The following DNAH3 variants were observed in gnomAD, a reference collection of about 807,000 sequenced individuals.
DNAH3 encodes dynein axonemal heavy chain 3.
In DNAH3, 332 loss-of-function variants were observed where a neutral mutation model predicts 432.5. The ratio of observed to expected loss-of-function variants is 0.77; its 90% CI spans 0.70 to 0.84. DNAH3 has a LOEUF of 0.84. DNAH3 is among the 40% of genes least tolerant of loss of function. The pLI, the probability that DNAH3 is intolerant of heterozygous loss-of-function variation, is 0.00. For synonymous variants in DNAH3, 1,956 were observed against 1,900.2 expected, an observed-to-expected ratio of 1.03 and a Z score of -0.76; for missense variants, 4,861 against 5,114.0, an observed-to-expected ratio of 0.95 and a Z score of 1.51.
chr16:20,982,576 T>C (rs2085960805), intron 49 of DNAH3, 145 bp downstream of exon 49: 1 of 622,930 alleles, frequency 1.6e-6, no homozygotes. Flanking sequence ...TTATTAAATA[T>C]CTAACTAACT....
At chr16:21,066,391 A>G (rs1034962593) in intron 24 of DNAH3, among the ~76,000 whole-genome samples, 9 of 151,510 alleles carry the variant, frequency 5.9e-5, no homozygotes, top group Non-Finnish European at 1.2e-4. Flanking sequence ...ATTTTGAGAC[A>G]TGGTCTGACT....
chr16:20,959,239 G>C, exon 54 of DNAH3: 1 of 1,614,182 alleles, frequency 6.2e-7, no homozygotes, highest in South Asian at 1.1e-5. Flanking sequence ...CTCCAGGGTA[G>C]GCATCCAGCT....
chr16:21,118,104 C>T (rs1567820973), intron 11 of DNAH3, among the ~76,000 whole-genome samples: 1 of 151,776 alleles, frequency 6.6e-6, no homozygotes, highest in African/African-American at 2.4e-5. Flanking sequence ...TCTCCTGCCT[C>T]AGCCTCCCGA....
intron 24 of DNAH3, among the ~76,000 whole-genome samples, chr16:21,066,236 C>T (rs2090544296): frequency 6.6e-6 from 1 of 151,080 alleles, no homozygotes; most frequent in Non-Finnish European, 1.5e-5. Flanking sequence ...ATTTATGTTT[C>T]TTAAAGGTAA....
chr16:21,149,226 C>A (rs200977145), intron 1 of DNAH3, among the ~76,000 whole-genome samples: 71 of 131,666 alleles, frequency 5.4e-4, no homozygotes, highest in Middle Eastern at 3.8e-3. Context: ...CAAACTGTCT[C>A]AAAAAAAAAA....
chr16:21,149,890 G>A (rs1233211577), intron 1 of DNAH3, among the ~76,000 whole-genome samples: 2 of 152,148 alleles, frequency 1.3e-5, no homozygotes, highest in Non-Finnish European at 2.9e-5. Context: ...CATCTAACAT[G>A]CCAATTGGCC....
intron 52 of DNAH3, among the ~76,000 whole-genome samples, chr16:20,967,065 T>C (rs1376160603): frequency 6.6e-6 from 1 of 152,186 alleles, no homozygotes; most frequent in Non-Finnish European, 1.5e-5. Flanking sequence ...AAAAAAGTTA[T>C]ACTCTGAGAC....
intron 43 of DNAH3, among the ~76,000 whole-genome samples, chr16:20,998,208 G>A (rs1453414088): frequency 6.6e-6 from 1 of 152,166 alleles, no homozygotes; most frequent in East Asian, 1.9e-4. Context: ...TTCAATGGGA[G>A]CAACAGATGA....
intron 31 of DNAH3, among the ~76,000 whole-genome samples, chr16:21,042,524 C>T (rs2089491474): frequency 6.6e-6 from 1 of 152,008 alleles, no homozygotes; most frequent in Admixed American, 6.6e-5. Context: ...ATTTCCTGAT[C>T]TTTATTCATC....
chr16:20,979,318 G>A lies in DNAH3; in HGVS notation c.8076+12C>T. The A allele has an allele frequency of 1.9e-6, 3 of 1,612,992 alleles. No individual in the cohort carries two copies. Among genetic ancestry groups the A allele is most frequent in the Non-Finnish European group, 2.5e-6 (3 of 1,179,604 alleles). On this transcript the variant is annotated intron_variant, in intron 50 of 61. Transcript: ENST00000261383. ...GGCCTCTTTGTCTCTGTTCTGTTTT[G>A]GCAGTGCTCACCTGAGAAGCTGCAA...
chr16:21,020,375 C>CACTA (rs2088120924), intron 40 of DNAH3, among the ~76,000 whole-genome samples: 1 of 32,958 alleles, frequency 3.0e-5, no homozygotes, highest in African/African-American at 1.7e-4. Context: ...TATAAAATCA[C>CACTA]TATATATATA....
At chr16:21,141,451 G>C in intron 3 of DNAH3, 79 bp from the exon 5 acceptor site, 2 of 1,078,628 alleles carry the variant, frequency 1.9e-6, no homozygotes, top group Non-Finnish European at 2.8e-6. Context: ...CATGACTCTC[G>C]GAACAGTCCA....
chr16:20,960,940 AC>A (rs1269600808), intron 53 of DNAH3, among the ~76,000 whole-genome samples: 1 of 151,974 alleles, frequency 6.6e-6, no homozygotes, highest in Non-Finnish European at 1.5e-5. Context: ...CAGAATGGCG[AC>A]CCCCACCTCA....
chr16:21,034,080 G>A (rs1294992097), exon 36 of DNAH3: 11 of 1,605,226 alleles, frequency 6.9e-6, no homozygotes, highest in African/African-American at 4.0e-5. Context: ...GCATCATTTC[G>A]TAGATCTGGG....
At chr16:21,051,709 G>T (rs779761692) in exon 29 of DNAH3, 12 of 1,613,588 alleles carry the variant, frequency 7.4e-6, no homozygotes, top group East Asian at 2.2e-5. Flanking sequence ...CACCAGCCGG[G>T]GGGAGTTTCC....
intron 31 of DNAH3, among the ~76,000 whole-genome samples, 156 bp downstream of exon 31, chr16:21,049,413 G>A (rs941563826): frequency 1.3e-5 from 2 of 152,166 alleles, no homozygotes; most frequent in African/African-American, 4.8e-5. Flanking sequence ...CTGTCTCCTT[G>A]AGAGTCCTTT....
exon 53 of DNAH3, chr16:20,964,496 T>C: frequency 1.9e-6 from 3 of 1,614,188 alleles, no homozygotes; most frequent in Non-Finnish European, 2.5e-6. Context: ...TCTTCTCCAA[T>C]GTTTTCAATC....
intron 24 of DNAH3, among the ~76,000 whole-genome samples, chr16:21,064,194 G>C (rs1284828324): frequency 6.6e-6 from 1 of 152,094 alleles, no homozygotes; most frequent in Non-Finnish European, 1.5e-5. Flanking sequence ...TTTCACTCTT[G>C]CTGCTCTTAG....
intron 60 of DNAH3, among the ~76,000 whole-genome samples, chr16:20,935,876 A>G (rs527927461): frequency 1.7e-4 from 26 of 151,202 alleles, no homozygotes; most frequent in African/African-American, 6.1e-4. Flanking sequence ...GTGCAAGCTG[A>G]TATCAGGGAT....
Sources: allele counts gnomAD v4.1 joint callset (sites outside exome capture counted in the v4.1 genomes callset), GRCh38; gene constraint gnomAD v4.1.1; transcripts MANE v1.5; gene names NCBI Gene and HGNC (gene_info 2026-07-23, HGNC 2026-07-21).